SPMIP4: variants seen among roughly 807,000 people sequenced by gnomAD.
The protein encoded by SPMIP4 is sperm microtubule inner protein 4.
At chr7:25,133,272 TC>T in the SPMIP4 span, among the ~76,000 whole-genome samples, 5 of 152,186 alleles carry the variant, frequency 3.3e-5, no homozygotes, top group African/African-American at 1.2e-4. Context: ...GACAAATGAG[TC>T]CTAATTTTGC....
the SPMIP4 span, among the ~76,000 whole-genome samples, chr7:25,154,019 G>C: frequency 1.3e-5 from 2 of 152,178 alleles, no homozygotes; most frequent in Non-Finnish European, 1.5e-5. Context: ...CCATTTTGCA[G>C]ACTGCGAAGC....
At chr7:25,135,182 G>T in the SPMIP4 span, 3 of 452,022 alleles carry the variant, frequency 6.6e-6, no homozygotes, top group Non-Finnish European at 8.8e-6. Flanking sequence ...AAGATTTGGG[G>T]CTCTGTAATA....
the SPMIP4 span, chr7:25,135,834 A>T: frequency 7.2e-7 from 1 of 1,388,920 alleles, no homozygotes; most frequent in Non-Finnish European, 9.3e-7. Context: ...ACTAACTTAA[A>T]TTCCTGAAAA....
chr7:25,128,139 G>A, the SPMIP4 span, among the ~76,000 whole-genome samples: 1 of 152,234 alleles, frequency 6.6e-6, no homozygotes, highest in African/African-American at 2.4e-5. The surrounding 1 kb of genome is among the most constrained non-coding windows in gnomAD (Gnocchi z 4.5). Flanking sequence ...CTGTGACTGT[G>A]CTAGGAGAGA....
chr7:25,133,401 T>C, the SPMIP4 span, among the ~76,000 whole-genome samples: 1 of 152,352 alleles, frequency 6.6e-6, no homozygotes, highest in African/African-American at 2.4e-5. Context: ...GACTTGGATA[T>C]GAATTTGTTC....
At chr7:25,154,859 G>A in the SPMIP4 span, 2 of 708,846 alleles carry the variant, frequency 2.8e-6, no homozygotes, top group Non-Finnish European at 4.5e-6. Flanking sequence ...CGCGCCAGCT[G>A]ATTTGTAAAG....
chr7:25,180,143 G>C, the SPMIP4 span: 2 of 152,402 alleles, frequency 1.3e-5, no homozygotes, highest in Non-Finnish European at 1.5e-5. Context: ...GTGGGGTGGG[G>C]CTGGGGGCGC....
At chr7:25,135,086 G>T in the SPMIP4 span, 1 of 403,340 alleles carries the variant, frequency 2.5e-6, no homozygotes, top group Non-Finnish European at 3.4e-6. Context: ...GATAGACTAT[G>T]TTTAAAATCT....
At chr7:25,176,995 C>G in the SPMIP4 span, among the ~76,000 whole-genome samples, 1 of 152,214 alleles carries the variant, frequency 6.6e-6, no homozygotes, top group Non-Finnish European at 1.5e-5. The surrounding 1 kb of genome is among the most constrained non-coding windows in gnomAD (Gnocchi z 4.4). Context: ...ATCTTCAGAT[C>G]TTGAAGGGCT....
the SPMIP4 span, among the ~76,000 whole-genome samples, chr7:25,160,245 T>C: frequency 6.6e-6 from 1 of 152,200 alleles, no homozygotes; most frequent in Non-Finnish European, 1.5e-5. Flanking sequence ...CTAGTACTTC[T>C]TAATAAAGAA....
chr7:25,171,411 G>A, the SPMIP4 span, among the ~76,000 whole-genome samples: 1 of 152,168 alleles, frequency 6.6e-6, no homozygotes. Context: ...TGTGATAGAG[G>A]AATCAAATCT....
At chr7:25,136,434 C>T in the SPMIP4 span, 43 of 1,614,120 alleles carry the variant, frequency 2.7e-5, no homozygotes, top group African/African-American at 5.6e-4. The surrounding 1 kb of genome is among the most constrained non-coding windows in gnomAD (Gnocchi z 5.7). Context: ...AATCTTCTGT[C>T]TTTTTAGTAT....
At chr7:25,155,351 G>T in the SPMIP4 span, among the ~76,000 whole-genome samples, 1 of 152,124 alleles carries the variant, frequency 6.6e-6, no homozygotes, top group Non-Finnish European at 1.5e-5. Context: ...TGTGCTCATG[G>T]AATTAGCATT....
the SPMIP4 span, among the ~76,000 whole-genome samples, chr7:25,157,911 G>A: frequency 6.6e-6 from 1 of 152,120 alleles, no homozygotes; most frequent in African/African-American, 2.4e-5. Context: ...AGCTGCGTGT[G>A]ATGTATATGG....
chr7:25,141,777 G>A, the SPMIP4 span, among the ~76,000 whole-genome samples: 26 of 151,598 alleles, frequency 1.7e-4, 1 homozygote, highest in African/African-American at 4.8e-4. Flanking sequence ...TCGCTCTGTC[G>A]TCTAGGCTGG....
At chr7:25,128,344 G>A in the SPMIP4 span, among the ~76,000 whole-genome samples, 2 of 152,310 alleles carry the variant, frequency 1.3e-5, no homozygotes, top group East Asian at 3.9e-4. This position sits in a 1 kb window ranked among gnomAD's most constrained non-coding sequence, Gnocchi z 4.5. Context: ...CCAGGGCTTG[G>A]GGTCGGGAAC....
At chr7:25,178,600 A>C in the SPMIP4 span, among the ~76,000 whole-genome samples, 2 of 152,214 alleles carry the variant, frequency 1.3e-5, no homozygotes, top group Admixed American at 1.3e-4. Context: ...CCAATGAAGG[A>C]ACGGACCATT....
chr7:25,144,407 G>A, the SPMIP4 span, among the ~76,000 whole-genome samples: 2 of 152,198 alleles, frequency 1.3e-5, no homozygotes, highest in African/African-American at 4.8e-5. Context: ...TCAGCACCCT[G>A]ACTGCTTTCT....
At chr7:25,156,334 C>T in the SPMIP4 span, among the ~76,000 whole-genome samples, 3 of 152,106 alleles carry the variant, frequency 2.0e-5, no homozygotes, top group Non-Finnish European at 4.4e-5. Flanking sequence ...CTTCCGGCCT[C>T]CCACCTTGGA....
Sources: gnomAD v4.1 joint callset for allele counts (sites outside exome capture counted in the v4.1 genomes callset) on GRCh38, gnomAD v4.1.1 for gene constraint, Gnocchi (gnomAD v3.1) non-coding constraint, MANE v1.5 for transcripts, NCBI Gene and HGNC (gene_info 2026-07-23, HGNC 2026-07-21) for gene names.